Variants in E2F5 observed in about 807,000 individuals in gnomAD.
The protein encoded by E2F5 is transcription factor E2F5.
E2F5 carries 23 observed loss-of-function variants against 39.1 expected under a neutral mutation model. The ratio of observed to expected loss-of-function variants is 0.59; its 90% CI spans 0.42 to 0.83. E2F5 has a LOEUF of 0.83. Ranked by LOEUF, E2F5 falls within the 40% of genes least tolerant of loss-of-function variation. The probability of loss-of-function intolerance (pLI) is 0.00; values close to 1 mark genes in which losing one functional copy is unlikely to be tolerated. For synonymous variants in E2F5, 145 were observed against 157.8 expected (o/e 0.92, Z 0.61); for missense variants, 365 against 406.7 (o/e 0.90, Z 0.88).
chr8:85,196,695 C>T (rs760558462), intron 1 of E2F5, among the ~76,000 whole-genome samples: 2 of 152,154 alleles, frequency 1.3e-5, no homozygotes, highest in Admixed American at 6.5e-5. Flanking sequence ...CATTCATTAG[C>T]TTTGTGGATC....
intron 1 of E2F5, among the ~76,000 whole-genome samples, chr8:85,193,776 G>A (rs1222948207): frequency 1.3e-5 from 2 of 152,162 alleles, no homozygotes; most frequent in Non-Finnish European, 2.9e-5. Flanking sequence ...GCATGTTTTT[G>A]AGATGCATTC....
intron 1 of E2F5, among the ~76,000 whole-genome samples, chr8:85,187,514 C>A (rs1191964658): frequency 6.6e-6 from 1 of 152,026 alleles, no homozygotes; most frequent in Non-Finnish European, 1.5e-5. Context: ...TCTCATGTTG[C>A]TGAATTGACC....
intron 1 of E2F5, chr8:85,187,606 C>T (rs1812370403): frequency 6.6e-6 from 1 of 152,064 alleles, no homozygotes; most frequent in African/African-American, 2.4e-5. Context: ...TGTATAGCCA[C>T]TTCTGCTTTC....
At chr8:85,192,259 G>A (rs1324742091) in intron 1 of E2F5, among the ~76,000 whole-genome samples, 1 of 152,128 alleles carries the variant, frequency 6.6e-6, no homozygotes, top group African/African-American at 2.4e-5. Context: ...AGAATTGAGA[G>A]GAATGGTAAA....
chr8:85,210,157 AGAC>A (rs1812885595), intron 6 of E2F5, among the ~76,000 whole-genome samples: 1 of 152,242 alleles, frequency 6.6e-6, no homozygotes, highest in Non-Finnish European at 1.5e-5. Context: ...GTGCCAATAT[AGAC>A]ATCATATTGC....
intron 1 of E2F5, among the ~76,000 whole-genome samples, chr8:85,194,929 A>C (rs1812550094): frequency 6.6e-6 from 1 of 152,028 alleles, no homozygotes; most frequent in Non-Finnish European, 1.5e-5. Context: ...TATTTCAAAT[A>C]TTATATTCAT....
intron 6 of E2F5, 22 bp from the exon 7 acceptor site, chr8:85,212,134 CA>C: frequency 1.3e-6 from 2 of 1,587,918 alleles, no homozygotes; most frequent in South Asian, 2.3e-5. Context: ...AGAAATATAA[CA>C]AAACTTTATT....
intron 1 of E2F5, among the ~76,000 whole-genome samples, chr8:85,191,206 A>G (rs1273155093): frequency 1.3e-5 from 2 of 152,250 alleles, no homozygotes; most frequent in African/African-American, 4.8e-5. Flanking sequence ...AGCCAGGCAC[A>G]GAAAGACACA....
At chr8:85,197,392 C>T (rs1428571882) in intron 1 of E2F5, among the ~76,000 whole-genome samples, 1 of 152,174 alleles carries the variant, frequency 6.6e-6, no homozygotes, top group East Asian at 1.9e-4. Context: ...AACACTGGGT[C>T]TTAGTGGACT....
At chr8:85,191,949 AT>A (rs1327280048) in intron 1 of E2F5, among the ~76,000 whole-genome samples, 1 of 152,178 alleles carries the variant, frequency 6.6e-6, no homozygotes, top group East Asian at 1.9e-4. Flanking sequence ...ATGTGGGTAC[AT>A]TTGAGAGGCT....
At chr8:85,186,785 G>C (rs1812351519) in intron 1 of E2F5, among the ~76,000 whole-genome samples, 1 of 145,778 alleles carries the variant, frequency 6.9e-6, no homozygotes, top group Non-Finnish European at 1.5e-5. Flanking sequence ...GTATATATAA[G>C]GTGTATATAT....
chr8:85,197,122 A>C (rs948496010), intron 1 of E2F5, among the ~76,000 whole-genome samples: 1 of 152,166 alleles, frequency 6.6e-6, no homozygotes, highest in African/African-American at 2.4e-5. Context: ...CTGCTTCATC[A>C]TAGTGTTCGT....
At chr8:85,188,738 A>G (rs886961623) in intron 1 of E2F5, among the ~76,000 whole-genome samples, 1 of 152,120 alleles carries the variant, frequency 6.6e-6, no homozygotes, top group African/African-American at 2.4e-5. Context: ...GTCTATGCGC[A>G]CTAGCCTGGA....
In E2F5 at chr8:85,202,292, T is replaced by TA. The variant is rs4150935; in HGVS notation, c.344+36_344+37insA. On this transcript the variant is annotated intron_variant, in intron 2 of 7. Coordinates refer to ENST00000416274, the MANE Select transcript of E2F5 (RefSeq NM_001951.4). ...AACCAGCACCCTCTTCTGAAACCTT[T>TA]TTTCTTCTCAGTGCTCTGTAAAATT... The TA allele has an allele frequency of 9.5e-6, 14 of 1,479,342 alleles. No homozygotes were observed. In the African/African-American group the frequency reaches 1.3e-4, roughly 13 times the overall value. 91.6% of individuals were successfully genotyped at this position (1,479,342 alleles called of 1,614,324 possible).
chr8:85,208,222 G>A (rs1455101552), intron 5 of E2F5, among the ~76,000 whole-genome samples: 1 of 152,146 alleles, frequency 6.6e-6, no homozygotes, highest in Non-Finnish European at 1.5e-5. Flanking sequence ...CAGCTACTTG[G>A]GAGGCTGAGG....
Position 85,211,784 on chromosome 8 carries a change from C to T in E2F5, c.884-373C>T, listed in dbSNP as rs111582950. On this transcript the variant is annotated intron_variant, in intron 6 of 7. Transcript: ENST00000416274. ...TCCCAAGTAGTTGGGACTATAGGCA[C>T]GTGCCATGAATGTCTGGCTAATTTT... 2.4e-3 allele frequency among the ~76,000 whole-genome samples: 358 copies of T among 150,428 alleles called. 1 individual carries two copies. The highest frequency in any genetic ancestry group is 7.7e-3 in the African/African-American group (314 of 40,930).
intron 1 of E2F5, among the ~76,000 whole-genome samples, chr8:85,192,312 G>A (rs867013585): frequency 4.6e-5 from 7 of 152,128 alleles, no homozygotes; most frequent in African/African-American, 1.7e-4. Flanking sequence ...GACATCCTAG[G>A]GTAGGTCTCT....
At chr8:85,208,501 TTCAGA>T (rs1217796287) in intron 5 of E2F5, among the ~76,000 whole-genome samples, 1 of 152,212 alleles carries the variant, frequency 6.6e-6, no homozygotes, top group Non-Finnish European at 1.5e-5. Flanking sequence ...GATTTTCGTT[TTCAGA>T]TTCAGATTTT....
At chr8:85,186,367 G>A (rs1235685447) in intron 1 of E2F5, among the ~76,000 whole-genome samples, 4 of 151,948 alleles carry the variant, frequency 2.6e-5, no homozygotes, top group Non-Finnish European at 5.9e-5. Context: ...GGGTTGGGGG[G>A]CTAGGGGAGG....
Sources: gnomAD v4.1 joint callset for allele counts (sites outside exome capture counted in the v4.1 genomes callset) on GRCh38, gnomAD v4.1.1 for gene constraint, MANE v1.5 for transcripts, NCBI Gene and HGNC (gene_info 2026-07-23, HGNC 2026-07-21) for gene names.